The following PYY variants were observed in gnomAD, a reference collection of about 807,000 sequenced individuals.
PYY encodes peptide YY.
PYY carries 12 observed loss-of-function variants against 10.3 expected under a neutral mutation model. The ratio of observed to expected loss-of-function variants is 1.17; its 90% CI spans 0.75 to 1.89. The LOEUF is 1.89. Ranked by LOEUF, PYY falls within the 40% of genes most tolerant of loss-of-function variation. The probability of loss-of-function intolerance (pLI) is 0.00; values close to 1 mark genes in which losing one functional copy is unlikely to be tolerated. For synonymous variants in PYY, 66 were observed against 62.0 expected, an observed-to-expected ratio of 1.06 and a Z score of -0.30; for missense variants, 141 against 134.0, an observed-to-expected ratio of 1.05 and a Z score of -0.26.
rs915807948 is a variant in PYY at position 43,952,797 on chromosome 17, C to T, written c.*159G>A. ...GGAAGGACCACACACAGCCCTCCAG[C>T]CCAGGGGGCGGGGGCACCGAGACGC... is the stretch of plus-strand genomic sequence containing the variant. On this transcript the variant is annotated 3_prime_UTR_variant, in exon 4 of 4. Transcript: ENST00000692052. The T allele has an allele frequency of 5.4e-6, 4 of 742,956 alleles. No individual in the cohort carries two copies. The African/African-American group carries it at 5.4e-5, about 10-fold the overall frequency. 46.0% of individuals were successfully genotyped at this position (742,956 alleles called of 1,614,324 possible).
intron 1 of PYY, among the ~76,000 whole-genome samples, chr17:43,993,563 C>T (rs1357285792): frequency 6.6e-6 from 1 of 151,678 alleles, no homozygotes; most frequent in Non-Finnish European, 1.5e-5. Flanking sequence ...GAGGCAGAGG[C>T]TGCAATGAGC....
intron 1 of PYY, among the ~76,000 whole-genome samples, chr17:43,989,186 A>G (rs2048935326): frequency 6.6e-6 from 1 of 151,940 alleles, no homozygotes; most frequent in Admixed American, 6.6e-5. Flanking sequence ...CATCCTGGCT[A>G]ACACGGTGAA....
At chr17:43,993,958 A>G (rs1357939944) in intron 1 of PYY, among the ~76,000 whole-genome samples, 1 of 151,926 alleles carries the variant, frequency 6.6e-6, no homozygotes, top group Non-Finnish European at 1.5e-5. Context: ...GATTCAAGTG[A>G]TCCTCCCACC....
intron 2 of PYY, among the ~76,000 whole-genome samples, chr17:43,963,547 G>GGGAA (rs201612460): frequency 3.9e-4 from 45 of 114,084 alleles, no homozygotes; most frequent in Admixed American, 9.1e-4. Context: ...AGAGAAGGAA[G>GGGAA]GGAAGGAAGG....
intron 1 of PYY, among the ~76,000 whole-genome samples, chr17:43,970,179 A>G (rs1245596943): frequency 1.4e-5 from 2 of 144,792 alleles, no homozygotes; most frequent in Non-Finnish European, 3.0e-5. Context: ...CTGCCTGGAT[A>G]AAAAAACAAG....
chr17:43,993,590 C>T (rs2048971989), intron 1 of PYY, among the ~76,000 whole-genome samples: 1 of 151,594 alleles, frequency 6.6e-6, no homozygotes, highest in Non-Finnish European at 1.5e-5. Context: ...CGTGCCACTG[C>T]ACTCCAGCCT....
In PYY at chr17:43,992,123, G is replaced by GAA. The variant is rs11396568; in HGVS notation, c.-463+12266_-463+12267dup. On this transcript the variant is annotated intron_variant, in intron 1 of 6. Coordinates refer to the PYY transcript ENST00000360085. ...CAACAGTGCAAGACTCTGTCTCAAA[G>GAA]AAAAAAAAAAAAAAAAAAACCTTTA... Among the ~76,000 whole-genome samples, 523 of 120,460 alleles carry GAA rather than the reference G, an allele frequency of 4.3e-3. 11 individuals are homozygous for GAA. The highest frequency in any genetic ancestry group is 4.9e-3 in the East Asian group (20 of 4,104). 79.0% of individuals were successfully genotyped at this position (120,460 alleles called of 152,430 possible). A position where few individuals can be genotyped will look rare whatever the true frequency, so the allele number is the denominator to read the frequency against.
chr17:43,999,300 C>T (rs554988496), intron 1 of PYY, among the ~76,000 whole-genome samples: 4 of 152,054 alleles, frequency 2.6e-5, no homozygotes, highest in South Asian at 4.1e-4. Flanking sequence ...AAGTGGATTG[C>T]GCCTAAGGGA....
intron 1 of PYY, among the ~76,000 whole-genome samples, chr17:43,975,233 C>A (rs1284882175): frequency 6.6e-6 from 1 of 152,182 alleles, no homozygotes; most frequent in Admixed American, 6.6e-5. Context: ...TCTTTCCTTT[C>A]CACATACTTA....
chr17:43,982,950 G>A (rs2048892934), intron 1 of PYY, among the ~76,000 whole-genome samples: 1 of 152,218 alleles, frequency 6.6e-6, no homozygotes, highest in African/African-American at 2.4e-5. Flanking sequence ...GGCAGCTGGA[G>A]GCCGGGCGTG....
chr17:43,991,533 G>A (rs906117799), intron 1 of PYY, among the ~76,000 whole-genome samples: 12 of 152,218 alleles, frequency 7.9e-5, no homozygotes, highest in Non-Finnish European at 1.6e-4. Context: ...TCTGGCAGAT[G>A]GGCTGTAGCA....
chr17:43,983,527 T>C (rs756056293), intron 1 of PYY, among the ~76,000 whole-genome samples: 4 of 152,156 alleles, frequency 2.6e-5, no homozygotes, highest in African/African-American at 7.2e-5. Context: ...TGAGAACTGT[T>C]AGGCAGCAGC....
intron 1 of PYY, among the ~76,000 whole-genome samples, chr17:44,003,884 G>C (rs1361738456): frequency 6.6e-6 from 1 of 151,896 alleles, no homozygotes; most frequent in Non-Finnish European, 1.5e-5. Context: ...CAGCTACTAG[G>C]GAGACTGAGG....
At chr17:43,979,978 G>A (rs931401252) in intron 1 of PYY, among the ~76,000 whole-genome samples, 13 of 152,040 alleles carry the variant, frequency 8.6e-5, no homozygotes, top group African/African-American at 2.9e-4. Context: ...CAAACAAAGC[G>A]CATCAATGCA....
At chr17:43,968,771 C>T (rs2048770264) in intron 1 of PYY, among the ~76,000 whole-genome samples, 1 of 152,054 alleles carries the variant, frequency 6.6e-6, no homozygotes, top group South Asian at 2.1e-4. Flanking sequence ...AAGATTGTGC[C>T]ACTGCACTCC....
chr17:43,992,419 A>G (rs971870498), intron 1 of PYY, among the ~76,000 whole-genome samples: 1 of 152,074 alleles, frequency 6.6e-6, no homozygotes, highest in South Asian at 2.1e-4. Flanking sequence ...CGTCTCTACT[A>G]AAAATACAAG....
At chr17:43,953,067 C>T (rs1644925113) in intron 3 of PYY, 42 bp downstream of exon 3, 1 of 1,608,804 alleles carries the variant, frequency 6.2e-7, no homozygotes, top group Non-Finnish European at 8.5e-7. Context: ...AGGGCCAGGC[C>T]GCGCTCTCGG....
intron 1 of PYY, among the ~76,000 whole-genome samples, chr17:43,998,782 A>G (rs2049006812): frequency 6.6e-6 from 1 of 152,084 alleles, no homozygotes; most frequent in South Asian, 2.1e-4. Context: ...GCTGCCATCA[A>G]CTGAGATGGG....
chr17:43,991,073 G>T (rs535607243), intron 1 of PYY, among the ~76,000 whole-genome samples: 9 of 150,936 alleles, frequency 6.0e-5, no homozygotes, highest in African/African-American at 1.9e-4. Flanking sequence ...GTGAGCCACC[G>T]CGCCCGGCCT....
Sources: gnomAD v4.1 joint callset for allele counts (sites outside exome capture counted in the v4.1 genomes callset) on GRCh38, gnomAD v4.1.1 for gene constraint, MANE v1.5 for transcripts, NCBI Gene and HGNC (gene_info 2026-07-23, HGNC 2026-07-21) for gene names.